The following SPDEF variants were observed in gnomAD, a reference collection of about 807,000 sequenced individuals.
The protein encoded by SPDEF is SAM pointed domain containing ETS transcription factor, also known as SAM pointed domain-containing Ets transcription factor.
Under a neutral mutation model 36.0 loss-of-function variants are expected in SPDEF, and 12 were observed. The observed-to-expected ratio is 0.33, with a 90% CI of 0.21 to 0.54. The LOEUF (loss-of-function observed/expected upper bound fraction) is 0.54. SPDEF is among the 20% of genes least tolerant of loss of function. SPDEF has a pLI of 0.93. For synonymous variants in SPDEF, 205 were observed against 193.0 expected (o/e 1.06, Z -0.51); for missense variants, 388 against 456.9 (o/e 0.85, Z 1.37).
chr6:34,540,700 TG>T (rs1038202197), intron 3 of SPDEF, among the ~76,000 whole-genome samples: 1 of 152,202 alleles, frequency 6.6e-6, no homozygotes, highest in African/African-American at 2.4e-5. Flanking sequence ...TATCCACGGT[TG>T]TCCCCAGCTC....
At chr6:34,541,228 AC>A in intron 2 of SPDEF, 47 bp from the exon 3 acceptor site, 4 of 1,521,978 alleles carry the variant, frequency 2.6e-6, no homozygotes, top group Non-Finnish European at 3.6e-6. Context: ...TGAGAGCACC[AC>A]CCTGCTGTGA....
chr6:34,548,473 A>G (rs1306503144), intron 1 of SPDEF, among the ~76,000 whole-genome samples: 1 of 152,022 alleles, frequency 6.6e-6, no homozygotes, highest in Non-Finnish European at 1.5e-5. Flanking sequence ...CCATTGCCCC[A>G]TCCCAGTGGC....
rs552724461 is a variant in SPDEF, at chr6:34,544,219, C to T, written c.237G>A (p.Gly79=). ...CAGGTGGCTCCTCCCGACTGCTGGC[C>T]CCAGGGGCCTTGGCTGCCCAGCTGC... The part of the protein sequence containing the change: ...EDSSWAAKAP[G]ASSREEPPEE... The change falls in exon 2 of 6, where the codon GGG becomes GGA. Residue 79 remains glycine, a synonymous_variant. Coordinates refer to ENST00000374037, the MANE Select transcript of SPDEF (RefSeq NM_012391.3). This position sits in a 1 kb window ranked among gnomAD's most constrained non-coding sequence, Gnocchi z 4.4. 1.5e-4 allele frequency: 249 copies of T among 1,613,882 alleles called. 1 individual carries two copies. Among genetic ancestry groups the T allele is most frequent in the South Asian group, 9.4e-4 (86 of 91,090 alleles).
chr6:34,544,291 C>T lies in SPDEF; in HGVS notation c.165G>A (p.Leu55=), dbSNP rs1242044940. The change falls in exon 2 of 6, where the codon CTG becomes CTA. Residue 55 remains leucine, a synonymous_variant. Transcript: ENST00000374037. This position sits in a 1 kb window ranked among gnomAD's most constrained non-coding sequence, Gnocchi z 4.4. ...CAAAGTAGGAGAGGTAGAAGGCGGA[C>T]AGGCCCTGCTCGGGCGTGGCGGGTG... ...PSPPATPEQG[L]SAFYLSYFDM... The T allele has an allele frequency of 6.2e-7, 1 of 1,613,320 alleles. No homozygotes were observed. The highest frequency in any genetic ancestry group is 1.1e-5 in the South Asian group (1 of 91,088).
intron 1 of SPDEF, among the ~76,000 whole-genome samples, chr6:34,548,381 C>T (rs1268220378): frequency 2.0e-5 from 3 of 152,180 alleles, no homozygotes; most frequent in African/African-American, 4.8e-5. Context: ...CACCTCTTGG[C>T]TCTTCATTCC....
chr6:34,542,031 T>C (rs1940478469), intron 2 of SPDEF, among the ~76,000 whole-genome samples: 1 of 152,184 alleles, frequency 6.6e-6, no homozygotes, highest in African/African-American at 2.4e-5. Flanking sequence ...TTGTTTCTGT[T>C]CCCATTGTTG....
In SPDEF at chr6:34,538,643, G is replaced by A. The variant is rs1179744730; in HGVS notation, c.830-191C>T. Among the ~76,000 whole-genome samples, 2 of 152,140 alleles carry A rather than the reference G, an allele frequency of 1.3e-5. No homozygotes were observed. The highest frequency in any genetic ancestry group is 2.9e-5 in the Non-Finnish European group (2 of 68,004). On this transcript the variant is annotated intron_variant, in intron 5 of 5. Coordinates refer to ENST00000374037, the MANE Select transcript of SPDEF (RefSeq NM_012391.3). The surrounding 1 kb of genome is among the most constrained non-coding windows in gnomAD (Gnocchi z 5.9). ...GGTGTAGTTGCGGTGAGGTTAAAGA[G>A]ACGTGTGCAAAGCAGGTGCCACAGG...
At chr6:34,551,297 C>T (rs974174232) in intron 1 of SPDEF, among the ~76,000 whole-genome samples, 1 of 152,192 alleles carries the variant, frequency 6.6e-6, no homozygotes, top group African/African-American at 2.4e-5. Flanking sequence ...CCTGGAGGTA[C>T]AGAGGCCCAC....
chr6:34,540,552 G>A (rs745547073), intron 3 of SPDEF, among the ~76,000 whole-genome samples: 23 of 152,018 alleles, frequency 1.5e-4, no homozygotes, highest in Non-Finnish European at 2.6e-4. Context: ...GGGAGCGGGA[G>A]GGGGAAACTG....
chr6:34,542,745 C>T (rs146143364), intron 2 of SPDEF, among the ~76,000 whole-genome samples: 13 of 152,090 alleles, frequency 8.5e-5, no homozygotes, highest in Non-Finnish European at 1.2e-4. Flanking sequence ...TAAAAATTAG[C>T]AGGGTGTGGT....
rs891707444 is a variant in SPDEF at position 34,552,464 on chromosome 6, G to A, written c.-30+3465C>T. Among the ~76,000 whole-genome samples the A allele has an allele frequency of 5.3e-5, 8 of 152,226 alleles. No individual in the cohort carries two copies. The highest frequency in any genetic ancestry group is 1.5e-5 in the Non-Finnish European group (1 of 68,054). On this transcript the variant is annotated intron_variant, in intron 1 of 5. Transcript: ENST00000374037. This position sits in a 1 kb window ranked among gnomAD's most constrained non-coding sequence, Gnocchi z 4.6. ...TTTTGAAGTCACCAGGCAGGACAGC[G>A]ATGTGAGAAGGCTTCACTGTCTCCC...
chr6:34,547,317 G>A (rs111259776), intron 1 of SPDEF, among the ~76,000 whole-genome samples: 193 of 152,196 alleles, frequency 1.3e-3, no homozygotes, highest in African/African-American at 4.3e-3. Flanking sequence ...TGACACATTT[G>A]CTGAGTGCAT....
At position 34,544,507 on chromosome 6, in the gene SPDEF, A is replaced by G. The variant is rs1767910578; in HGVS notation, c.-29-23T>C. ...TGTCTACGGAAATGAAAGAGGACTCAGGTTTGACTGCTTCTCCATCCCTGT... is the reference window on the plus strand; with the variant it reads ...TGTCTACGGAAATGAAAGAGGACTCGGGTTTGACTGCTTCTCCATCCCTGT... On this transcript the variant is annotated intron_variant, in intron 1 of 5. Transcript: ENST00000374037. The surrounding 1 kb of genome is among the most constrained non-coding windows in gnomAD (Gnocchi z 4.4). 6.8e-7 allele frequency: 1 copy of G among 1,470,824 alleles called. No homozygotes were observed. Among genetic ancestry groups the G allele is most frequent in the Non-Finnish European group, 9.0e-7 (1 of 1,111,574 alleles). 91.1% of individuals were successfully genotyped at this position (1,470,824 alleles called of 1,614,324 possible). A position where few individuals can be genotyped will look rare whatever the true frequency, so the allele number is the denominator to read the frequency against.
rs752209770 is a variant in SPDEF at position 34,544,126 on chromosome 6, G to A, written c.330C>T (p.Gly110=). The A allele has an allele frequency of 1.2e-5, 20 of 1,613,682 alleles. No homozygotes were observed. The highest frequency in any genetic ancestry group is 2.2e-5 in the East Asian group (1 of 44,892). Residue 110 remains glycine (G), a synonymous_variant, in exon 2 of 6, where the codon GGC becomes GGT. Coordinates refer to ENST00000374037, the MANE Select transcript of SPDEF (RefSeq NM_012391.3). This position sits in a 1 kb window ranked among gnomAD's most constrained non-coding sequence, Gnocchi z 4.4. ...GCGAGTGCTCCTCCAAGGTCAGCCC[G>A]CCGGGCACCAAGTCCAGGCTGCCCG... ...APAGSLDLVP[G]GLTLEEHSLE...
intron 2 of SPDEF, among the ~76,000 whole-genome samples, chr6:34,542,499 T>C (rs1320681020): frequency 6.6e-6 from 1 of 152,270 alleles, no homozygotes; most frequent in Non-Finnish European, 1.5e-5. Flanking sequence ...ATTTGTGATC[T>C]GTGTCACTCA....
chr6:34,543,446 C>A (rs760218771), intron 2 of SPDEF, among the ~76,000 whole-genome samples: 1 of 152,104 alleles, frequency 6.6e-6, no homozygotes, highest in Non-Finnish European at 1.5e-5. Context: ...TGAGAGGAAG[C>A]AGGTGAGAAC....
At position 34,539,161 on chromosome 6, in the gene SPDEF, GC is replaced by G; in HGVS notation, c.829+88del. ...GGGGATCAGCTTCACCCCTCTGCCC[GC>G]CCCTGCCCCCATGCACCGTGCCTGG... On this transcript the variant is annotated intron_variant, in intron 5 of 5. Coordinates refer to ENST00000374037, the MANE Select transcript of SPDEF (RefSeq NM_012391.3). This position sits in a 1 kb window ranked among gnomAD's most constrained non-coding sequence, Gnocchi z 5.2. 1 of 1,475,090 alleles carries G rather than the reference GC, an allele frequency of 6.8e-7. No homozygotes were observed. The highest frequency in any genetic ancestry group is 9.2e-7 in the Non-Finnish European group (1 of 1,081,576). 91.4% of individuals were successfully genotyped at this position (1,475,090 alleles called of 1,614,324 possible). A position where few individuals can be genotyped will look rare whatever the true frequency, so the allele number is the denominator to read the frequency against.
intron 2 of SPDEF, among the ~76,000 whole-genome samples, chr6:34,542,071 T>C (rs1458444675): frequency 2.6e-5 from 4 of 152,160 alleles, no homozygotes; most frequent in Admixed American, 6.5e-5. Context: ...TCCCTAGCCC[T>C]GTGGGTGGGG....
chr6:34,540,733 T>A (rs1767800758), intron 3 of SPDEF, among the ~76,000 whole-genome samples: 1 of 152,214 alleles, frequency 6.6e-6, no homozygotes, highest in Admixed American at 6.5e-5. Flanking sequence ...ATCCTCACAG[T>A]CTGACTTCTA....
Sources: gnomAD v4.1 joint callset for allele counts (sites outside exome capture counted in the v4.1 genomes callset) on GRCh38, gnomAD v4.1.1 for gene constraint, Gnocchi (gnomAD v3.1) non-coding constraint, MANE v1.5 for transcripts, NCBI Gene and HGNC (gene_info 2026-07-23, HGNC 2026-07-21) for gene names.